Variants in CARMIL1 observed in about 807,000 individuals in gnomAD.
The protein encoded by CARMIL1 is F-actin-uncapping protein LRRC16A.
In CARMIL1, 90 loss-of-function variants were observed where a neutral mutation model predicts 177.1. The observed-to-expected ratio is 0.51, with a 90% CI of 0.43 to 0.61. The LOEUF (loss-of-function observed/expected upper bound fraction) is 0.61. Among genes scored for constraint, CARMIL1 ranks in the 20% least tolerant of loss-of-function variants. The pLI is 0.00. For synonymous variants in CARMIL1, 577 were observed against 606.2 expected (o/e 0.95, Z 0.71); for missense variants, 1,380 against 1,667.0 (o/e 0.83, Z 3.00).
At chr6:25,304,622 C>A (rs1783123073) in intron 2 of CARMIL1, among the ~76,000 whole-genome samples, 1 of 152,202 alleles carries the variant, frequency 6.6e-6, no homozygotes, top group Non-Finnish European at 1.5e-5. Context: ...GTTTGGTCAC[C>A]TGCCGCTCAC....
intron 33 of CARMIL1, among the ~76,000 whole-genome samples, chr6:25,603,886 C>T (rs906639104): frequency 1.3e-5 from 2 of 152,132 alleles, no homozygotes; most frequent in African/African-American, 4.8e-5. Flanking sequence ...TCATCACCAT[C>T]ACTAATTCCT....
intron 36 of CARMIL1, among the ~76,000 whole-genome samples, chr6:25,614,415 T>C (rs943882987): frequency 2.6e-5 from 4 of 152,368 alleles, no homozygotes; most frequent in Non-Finnish European, 5.9e-5. Flanking sequence ...TATAGACACA[T>C]AGTTACAATA....
At chr6:25,327,367 G>A (rs377680063) in intron 2 of CARMIL1, among the ~76,000 whole-genome samples, 2 of 152,188 alleles carry the variant, frequency 1.3e-5, no homozygotes, top group African/African-American at 4.8e-5. Context: ...GTATGATGAA[G>A]CGGAGATTTG....
Position 25,314,577 on chromosome 6 carries a change from C to T in CARMIL1, c.138+29668C>T, listed in dbSNP as rs115156819. 4.8e-3 allele frequency among the ~76,000 whole-genome samples: 729 copies of T among 151,876 alleles called. 6 individuals are homozygous for T. Among genetic ancestry groups the T allele is most frequent in the African/African-American group, 0.016 (671 of 41,412 alleles). ...ATATATATGTATGTATACATTCACA[C>T]ATGCACTTATATATTCACAATGATA... is the stretch of plus-strand genomic sequence containing the variant. On this transcript the variant is annotated intron_variant, in intron 2 of 36. Transcript: ENST00000329474.
At chr6:25,455,748 G>T (rs568058335) in intron 8 of CARMIL1, among the ~76,000 whole-genome samples, 1 of 152,252 alleles carries the variant, frequency 6.6e-6, no homozygotes, top group South Asian at 2.1e-4. Flanking sequence ...GTTTGTAACT[G>T]CCATTTTCCC....
At chr6:25,315,156 C>A (rs774431763) in intron 2 of CARMIL1, among the ~76,000 whole-genome samples, 1 of 152,144 alleles carries the variant, frequency 6.6e-6, no homozygotes, top group Non-Finnish European at 1.5e-5. Context: ...AGTTGCAGAA[C>A]ATGAGAGGCA....
At chr6:25,454,885 G>A (rs890227075) in intron 8 of CARMIL1, among the ~76,000 whole-genome samples, 1 of 152,112 alleles carries the variant, frequency 6.6e-6, no homozygotes, top group African/African-American at 2.4e-5. Flanking sequence ...TTGATGTGAT[G>A]TGTGTGGGTT....
chr6:25,367,756 A>G (rs1463137736), intron 2 of CARMIL1, among the ~76,000 whole-genome samples: 1 of 152,148 alleles, frequency 6.6e-6, no homozygotes, highest in African/African-American at 2.4e-5. Context: ...CCTGTGCTGC[A>G]TTCAGACTCT....
intron 24 of CARMIL1, among the ~76,000 whole-genome samples, chr6:25,534,974 A>G (rs1808143739): frequency 1.3e-5 from 2 of 152,266 alleles, no homozygotes; most frequent in African/African-American, 4.8e-5. Context: ...TATTGCTAAT[A>G]GTTGTAATTC....
intron 36 of CARMIL1, among the ~76,000 whole-genome samples, chr6:25,617,555 C>G (rs1759377662): frequency 6.6e-6 from 1 of 152,140 alleles, no homozygotes; most frequent in Non-Finnish European, 1.5e-5. Flanking sequence ...TATAGAGGAA[C>G]AACCTATTTT....
intron 15 of CARMIL1, 55 bp from the exon 16 acceptor site, chr6:25,495,056 A>G (rs556686267): frequency 1.0e-5 from 10 of 961,566 alleles, no homozygotes; most frequent in Non-Finnish European, 1.7e-5. Flanking sequence ...TGAATAATCA[A>G]TGAATATGTT....
At chr6:25,445,203 C>T (rs1190964317) in intron 5 of CARMIL1, among the ~76,000 whole-genome samples, 2 of 152,216 alleles carry the variant, frequency 1.3e-5, no homozygotes. Flanking sequence ...GAAGCAACTT[C>T]TCATTTGTTA....
intron 1 of CARMIL1, among the ~76,000 whole-genome samples, chr6:25,282,817 C>T (rs1480794450): frequency 6.6e-6 from 1 of 152,200 alleles, no homozygotes; most frequent in Non-Finnish European, 1.5e-5. Flanking sequence ...AATCCATGAT[C>T]TTATGCATTG....
intron 29 of CARMIL1, among the ~76,000 whole-genome samples, chr6:25,572,790 A>G (rs1028915257): frequency 4.6e-5 from 7 of 152,118 alleles, no homozygotes; most frequent in Non-Finnish European, 8.8e-5. Context: ...GTAACAAGAA[A>G]TAGAAAAAAT....
chr6:25,488,474 T>C lies in CARMIL1; in HGVS notation c.962-8T>C. ...GCAAACTGAGCCTGGATTTTCTTGA[T>C]GTTGCAGGGGTGAACAGCCTTTCTC... is the stretch of plus-strand genomic sequence containing the variant. On this transcript the variant is annotated splice_region_variant and splice_polypyrimidine_tract_variant and intron_variant, in intron 12 of 36. Transcript: ENST00000329474. 1.2e-6 allele frequency: 2 copies of C among 1,610,342 alleles called. No homozygotes were observed. The highest frequency in any genetic ancestry group is 1.7e-5 in the Admixed American group (1 of 60,014).
chr6:25,290,369 C>CTTT (rs910242856), intron 2 of CARMIL1, among the ~76,000 whole-genome samples: 84 of 95,306 alleles, frequency 8.8e-4, no homozygotes, highest in African/African-American at 1.7e-3. Context: ...TGCTGGGATT[C>CTTT]TTTTTTTTTT....
intron 21 of CARMIL1, among the ~76,000 whole-genome samples, chr6:25,516,841 A>C (rs1177995042): frequency 6.6e-6 from 1 of 152,238 alleles, no homozygotes; most frequent in Non-Finnish European, 1.5e-5. Flanking sequence ...TAATTAAGCC[A>C]TGTCAGGGAA....
chr6:25,586,024 C>CCAT (rs1398642525), intron 31 of CARMIL1, among the ~76,000 whole-genome samples: 2 of 152,332 alleles, frequency 1.3e-5, no homozygotes, highest in Admixed American at 6.5e-5. Flanking sequence ...GACAAAACCG[C>CCAT]CATCATCATC....
chr6:25,404,093 G>A (rs1271166376), intron 2 of CARMIL1, among the ~76,000 whole-genome samples: 1 of 152,206 alleles, frequency 6.6e-6, no homozygotes, highest in African/African-American at 2.4e-5. Context: ...GTGTAACCCT[G>A]CCTCCCCTCC....
Sources: gnomAD v4.1 joint callset for allele counts (sites outside exome capture counted in the v4.1 genomes callset) on GRCh38, gnomAD v4.1.1 for gene constraint, MANE v1.5 for transcripts, NCBI Gene and HGNC (gene_info 2026-07-23, HGNC 2026-07-21) for gene names.